DGKH: variants seen among roughly 807,000 people sequenced by gnomAD.
DGKH encodes DAG kinase eta.
In DGKH, 90 loss-of-function variants were observed where a neutral mutation model predicts 159.3. The ratio of observed to expected loss-of-function variants is 0.57; its 90% CI spans 0.48 to 0.67. DGKH has a LOEUF of 0.67. Among genes scored for constraint, DGKH ranks in the 30% least tolerant of loss-of-function variants. DGKH has a pLI of 0.00. For synonymous variants in DGKH, 536 were observed against 553.8 expected (o/e 0.97, Z 0.45); for missense variants, 1,181 against 1,506.1 (o/e 0.78, Z 3.57).
intron 26 of DGKH, among the ~76,000 whole-genome samples, chr13:42,218,015 A>G (rs371405803): frequency 1.3e-5 from 2 of 152,178 alleles, no homozygotes; most frequent in African/African-American, 4.8e-5. Flanking sequence ...AGCCTGGGCA[A>G]CAGAACAAGA....
intron 1 of DGKH, among the ~76,000 whole-genome samples, chr13:42,049,230 G>GGACGGATTCCCGGCGGCTGCGC (rs1342205672): frequency 2.6e-5 from 4 of 151,718 alleles, no homozygotes; most frequent in Admixed American, 1.3e-4. Context: ...CGGTGCTGCG[G>GGACGGATTCCCGGCGGCTGCGC]GACGGATTCC....
At chr13:42,159,244 C>CTGTTTTTT in intron 5 of DGKH, 22 bp from the exon 6 acceptor site, 1 of 213,284 alleles carries the variant, frequency 4.7e-6, no homozygotes, top group Non-Finnish European at 8.1e-6. Context: ...AGCAGTTGCT[C>CTGTTTTTT]TTTTTTTTTT....
rs771610944 is a variant in DGKH at position 42,165,376 on chromosome 13, G to A, written c.901G>A (p.Gly301Ser). ...KDLYHPICPLGQCKVSIIPPI... is the reference protein window; with the variant it reads ...KDLYHPICPLSQCKVSIIPPI... ...TTTATACCATCCAATATGTCCACTT[G>A]GTCAATGTAAAGTATCTATCATACC... The change falls in exon 8 of 30, where the codon GGT becomes AGT. Residue 301 changes from glycine to serine, a missense_variant. By Grantham distance (56) the Gly-to-Ser change is moderately conservative. Coordinates refer to ENST00000337343, the MANE Select transcript of DGKH (RefSeq NM_178009.5). 4.4e-6 allele frequency: 7 copies of A among 1,592,718 alleles called. No individual in the cohort carries two copies. Among genetic ancestry groups the A allele is most frequent in the Non-Finnish European group, 1.7e-6 (2 of 1,171,264 alleles).
At chr13:42,156,392 A>T (rs1594110448) in intron 5 of DGKH, among the ~76,000 whole-genome samples, 1 of 150,720 alleles carries the variant, frequency 6.6e-6, no homozygotes. Flanking sequence ...ACAGTCAAGC[A>T]CCACCACACC....
intron 1 of DGKH, among the ~76,000 whole-genome samples, chr13:42,102,243 T>G (rs1264634309): frequency 6.6e-6 from 1 of 152,220 alleles, no homozygotes; most frequent in Non-Finnish European, 1.5e-5. Flanking sequence ...TAGAGAAGTT[T>G]AGAGGTCAAA....
intron 3 of DGKH, among the ~76,000 whole-genome samples, chr13:42,144,068 T>C (rs575548489): frequency 8.5e-5 from 13 of 152,324 alleles, no homozygotes; most frequent in African/African-American, 2.9e-4. Flanking sequence ...TGATACACAG[T>C]AACCATCTCA....
intron 29 of DGKH, 98 bp from the exon 30 acceptor site, chr13:42,229,001 A>G (rs1031301582): frequency 1.9e-6 from 2 of 1,040,416 alleles, no homozygotes; most frequent in Non-Finnish European, 2.8e-6. Flanking sequence ...TCTATTTTCA[A>G]TAAACTTTTT....
Position 42,207,104 on chromosome 13 carries a change from T to G in DGKH, c.2601+958T>G, listed in dbSNP as rs1439410950. ...TTCTTTCTTTCTTTCTTTCTTTCTT[T>G]CTTTCTTTCTCTTTCTCTCTCCTTC... On this transcript the variant is annotated intron_variant, in intron 21 of 29. Coordinates refer to ENST00000337343, the MANE Select transcript of DGKH (RefSeq NM_178009.5). Among the ~76,000 whole-genome samples the G allele has an allele frequency of 5.3e-4, 73 of 136,854 alleles. 3 individuals carry two copies. The highest frequency in any genetic ancestry group is 1.6e-3 in the African/African-American group (56 of 35,758). 89.8% of individuals were successfully genotyped at this position (136,854 alleles called of 152,430 possible).
At chr13:42,153,733 A>G (rs1039119303) in intron 3 of DGKH, 1 of 152,242 alleles carries the variant, frequency 6.6e-6, no homozygotes, top group Non-Finnish European at 1.5e-5. Flanking sequence ...TGTTCTTTGC[A>G]TTAACTATTT....
intron 29 of DGKH, among the ~76,000 whole-genome samples, chr13:42,251,125 A>G (rs1958617117): frequency 6.6e-6 from 1 of 152,212 alleles, no homozygotes; most frequent in South Asian, 2.1e-4. Flanking sequence ...ACAAATAAAA[A>G]TTAAAAGTTA....
At chr13:42,147,854 C>G (rs1955777601) in intron 3 of DGKH, among the ~76,000 whole-genome samples, 1 of 152,064 alleles carries the variant, frequency 6.6e-6, no homozygotes, top group Admixed American at 6.5e-5. Context: ...TCGGAAGGTG[C>G]CTGGCTTACA....
intron 13 of DGKH, among the ~76,000 whole-genome samples, chr13:42,186,010 GGTGTGT>G (rs3039205): frequency 0.029 from 3,823 of 132,228 alleles, 67 homozygotes; most frequent in African/African-American, 0.052. Flanking sequence ...TGGTGGTGGT[GGTGTGT>G]GTGTGTGTGT....
chr13:42,220,465 A>G (rs1275970438), intron 28 of DGKH, among the ~76,000 whole-genome samples: 1 of 152,214 alleles, frequency 6.6e-6, no homozygotes, highest in African/African-American at 2.4e-5. Context: ...CTGTTTATAC[A>G]ATGGTAGCTG....
At chr13:42,121,752 G>T (rs867043310) in intron 1 of DGKH, among the ~76,000 whole-genome samples, 1 of 152,176 alleles carries the variant, frequency 6.6e-6, no homozygotes, top group Non-Finnish European at 1.5e-5. Context: ...GGACTTAAGC[G>T]TTAAGGCAGA....
chr13:42,219,920 C>T (rs1158308881), intron 28 of DGKH, 126 bp downstream of exon 28: 2 of 721,664 alleles, frequency 2.8e-6, no homozygotes, highest in Non-Finnish European at 4.6e-6. Context: ...GTATGATGAA[C>T]ATACTGTCAT....
chr13:42,144,766 T>C (rs576970127), intron 3 of DGKH, among the ~76,000 whole-genome samples: 1 of 152,310 alleles, frequency 6.6e-6, no homozygotes, highest in African/African-American at 2.4e-5. Flanking sequence ...AATTGGGCTT[T>C]ACATCCTGTA....
At chr13:42,100,336 A>C (rs1015505496) in intron 1 of DGKH, among the ~76,000 whole-genome samples, 1 of 152,180 alleles carries the variant, frequency 6.6e-6, no homozygotes, top group Admixed American at 6.5e-5. Context: ...TAGGGCTCCC[A>C]CTGATTGTAC....
rs921359818 is a variant in DGKH, at chr13:42,214,596, A to G, written c.3104A>G (p.Asn1035Ser). ...NACSHALNKA[N>S]PRCPESLTRD... ...TGCTCCCATGCCCTGAATAAAGCCAACCCAAGGTGCCCGGAGGTGAGGATC... is the reference window on the plus strand; with the variant it reads ...TGCTCCCATGCCCTGAATAAAGCCAGCCCAAGGTGCCCGGAGGTGAGGATC... The change falls in exon 25 of 30, where the codon AAC (asparagine) becomes AGC (serine). Residue 1035 changes from asparagine (N) to serine (S), a missense_variant. By Grantham distance (46) the Asn-to-Ser change is conservative. Transcript: ENST00000337343. 13 of 1,613,522 alleles carry G rather than the reference A, an allele frequency of 8.1e-6. No homozygotes were observed. Among genetic ancestry groups the G allele is most frequent in the African/African-American group, 1.3e-5 (1 of 74,918 alleles).
chr13:42,180,386 T>C (rs4142110), intron 13 of DGKH, among the ~76,000 whole-genome samples: 52,066 of 152,106 alleles, frequency 0.34, 10,402 homozygotes, highest in East Asian at 0.52. Flanking sequence ...CCATTCAGCG[T>C]TTTTTCTAGT....
Sources: gnomAD v4.1 joint callset for allele counts (sites outside exome capture counted in the v4.1 genomes callset) on GRCh38, gnomAD v4.1.1 for gene constraint, MANE v1.5 for transcripts, NCBI Gene and HGNC (gene_info 2026-07-23, HGNC 2026-07-21) for gene names.